The following DLC1 variants were observed in gnomAD, a reference collection of about 807,000 sequenced individuals.
DLC1 encodes the protein DLC1 Rho GTPase activating protein, also known as rho GTPase-activating protein 7.
A neutral mutation model predicts 140.3 loss-of-function variants in DLC1; 54 were observed. The ratio of observed to expected loss-of-function variants is 0.38; its 90% CI spans 0.31 to 0.48. DLC1 has a LOEUF of 0.48. DLC1 is among the 20% of genes least tolerant of loss of function. DLC1 has a pLI of 0.96. For synonymous variants in DLC1, 986 were observed against 728.1 expected (o/e 1.35, Z -5.70); for missense variants, 2,536 against 1,907.0 (o/e 1.33, Z -6.14).
At chr8:13,516,406 G>T (rs1450319790), upstream of DLC1, among the ~76,000 whole-genome samples, 1 of 152,116 alleles carries the variant, frequency 6.6e-6, no homozygotes, top group African/African-American at 2.4e-5. Context: ...TATCACAAGG[G>T]CTATCTTGTA....
intron 4 of DLC1, among the ~76,000 whole-genome samples, chr8:13,323,152 G>T (rs1479350500): frequency 6.6e-6 from 1 of 152,156 alleles, no homozygotes; most frequent in Non-Finnish European, 1.5e-5. Context: ...CTGGCACACG[G>T]CAACTGTGTG....
In DLC1 at chr8:13,099,964, C is replaced by T. The variant is rs1254362760; in HGVS notation, c.2373G>A (p.Val791=). 1 of 1,613,068 alleles carries T rather than the reference C, an allele frequency of 6.2e-7. No individual in the cohort carries two copies. Among genetic ancestry groups the T allele is most frequent in the South Asian group, 1.1e-5 (1 of 91,076 alleles). The change falls in exon 9 of 18, where the codon GTG becomes GTA. Residue 791 remains valine (V), a synonymous_variant. Transcript: ENST00000276297. ...PFNQSTFNNV[V]EQNFKNRESY... ...TCTCGCGGTTCTTAAAGTTCTGCTC[C>T]ACCACGTTGTTAAATGTTGACTGAT...
At chr8:13,093,694 G>C (rs1385080571) in intron 12 of DLC1, among the ~76,000 whole-genome samples, 1 of 152,152 alleles carries the variant, frequency 6.6e-6, no homozygotes, top group Non-Finnish European at 1.5e-5. Context: ...AGGAAAATGT[G>C]ACCTGTGTTT....
intron 5 of DLC1, among the ~76,000 whole-genome samples, chr8:13,165,606 A>G (rs1408350688): frequency 1.3e-5 from 2 of 152,162 alleles, no homozygotes; most frequent in African/African-American, 4.8e-5. Context: ...TTTTGGAAAG[A>G]TTTGGCCAGG....
chr8:13,354,584 A>G (rs1426506101), intron 4 of DLC1, among the ~76,000 whole-genome samples: 3 of 152,162 alleles, frequency 2.0e-5, no homozygotes, highest in Non-Finnish European at 4.4e-5. Flanking sequence ...TCATTAGCAC[A>G]TTTCACTTTT....
At chr8:13,557,608 TGG>T (rs1804093785) in intron 1 of DLC1, 1 of 152,174 alleles carries the variant, frequency 6.6e-6, no homozygotes, top group Non-Finnish European at 1.5e-5. Flanking sequence ...TTTTAAAGTG[TGG>T]TACTTCCTTG....
intron 2 of DLC1, among the ~76,000 whole-genome samples, chr8:13,458,775 A>G (rs892010926): frequency 1.3e-5 from 2 of 152,048 alleles, no homozygotes; most frequent in African/African-American, 4.8e-5. Flanking sequence ...TCCTACCTCC[A>G]TATGTGTAAT....
At chr8:13,258,873 C>T (rs958478808) in intron 5 of DLC1, among the ~76,000 whole-genome samples, 2 of 152,100 alleles carry the variant, frequency 1.3e-5, no homozygotes, top group African/African-American at 2.4e-5. Context: ...CGCGGTGGCT[C>T]ACGCCTGTAA....
intron 5 of DLC1, among the ~76,000 whole-genome samples, chr8:13,232,787 T>G (rs1018251051): frequency 6.6e-6 from 1 of 152,208 alleles, no homozygotes; most frequent in Non-Finnish European, 1.5e-5. Context: ...TACAAATCAT[T>G]TCATCCATGA....
At chr8:13,456,005 C>T (rs1799369937) in intron 2 of DLC1, among the ~76,000 whole-genome samples, 1 of 152,218 alleles carries the variant, frequency 6.6e-6, no homozygotes, top group Non-Finnish European at 1.5e-5. Context: ...TGTTCATTTG[C>T]TAATTCAACA....
intron 1 of DLC1, among the ~76,000 whole-genome samples, chr8:13,551,075 C>CACACACACACTT (rs71207163): frequency 0.13 from 15,681 of 121,408 alleles, 1,174 homozygotes; most frequent in Admixed American, 0.18. Context: ...CACACACACA[C>CACACACACACTT]TTTTTTTTTT....
intron 6 of DLC1, 147 bp downstream of exon 6, chr8:13,115,439 G>A (rs1820466360): frequency 1.4e-6 from 1 of 726,426 alleles, no homozygotes; most frequent in Non-Finnish European, 2.1e-6. Context: ...GTTTTCAGCG[G>A]TGGGGGTCTT....
chr8:13,511,123 G>C (rs1017509093), intron 1 of DLC1, among the ~76,000 whole-genome samples: 3 of 152,082 alleles, frequency 2.0e-5, no homozygotes, highest in African/African-American at 7.2e-5. Flanking sequence ...CCTGCTGTTT[G>C]ATCTTCCTAC....
At chr8:13,447,383 A>G (rs1464177872) in intron 2 of DLC1, among the ~76,000 whole-genome samples, 1 of 152,196 alleles carries the variant, frequency 6.6e-6, no homozygotes, top group Non-Finnish European at 1.5e-5. Context: ...AGTAATACCT[A>G]TTTGGCATGA....
intron 4 of DLC1, among the ~76,000 whole-genome samples, chr8:13,352,009 C>T (rs1834695284): frequency 6.6e-6 from 1 of 152,244 alleles, no homozygotes; most frequent in Non-Finnish European, 1.5e-5. Context: ...GCTGGGATTA[C>T]AGGCATGAGC....
At chr8:13,152,170 A>T (rs562586996) in intron 5 of DLC1, among the ~76,000 whole-genome samples, 60 of 152,282 alleles carry the variant, frequency 3.9e-4, no homozygotes, top group African/African-American at 1.2e-3. Context: ...GGTTCTTTAG[A>T]CAAAGTCCAG....
intron 4 of DLC1, chr8:13,339,362 G>T (rs932770707): frequency 1.3e-5 from 2 of 152,210 alleles, no homozygotes; most frequent in Admixed American, 6.5e-5. Flanking sequence ...GCAATTAGCA[G>T]GGTGCCAGGC....
intron 2 of DLC1, among the ~76,000 whole-genome samples, chr8:13,407,779 G>T (rs1175628838): frequency 1.3e-5 from 2 of 152,138 alleles, no homozygotes; most frequent in African/African-American, 4.8e-5. Context: ...ATTCTGGACT[G>T]CTAATACTCC....
At chr8:13,575,815 C>T (rs984337458) in intron 1 of DLC1, among the ~76,000 whole-genome samples, 14 of 152,150 alleles carry the variant, frequency 9.2e-5, no homozygotes, top group African/African-American at 3.1e-4. Flanking sequence ...GTGCCTTGGT[C>T]ATTATGAACA....
Sources: allele counts gnomAD v4.1 joint callset (sites outside exome capture counted in the v4.1 genomes callset), GRCh38; gene constraint gnomAD v4.1.1; transcripts MANE v1.5; gene names NCBI Gene and HGNC (gene_info 2026-07-23, HGNC 2026-07-21).